ITSN1: variants seen among roughly 807,000 people sequenced by gnomAD.
The protein encoded by ITSN1 is intersectin-1.
In ITSN1, 58 loss-of-function variants were observed where a neutral mutation model predicts 239.8. The observed-to-expected ratio is 0.24, with a 90% CI of 0.20 to 0.30. ITSN1 has a LOEUF of 0.30. Among genes scored for constraint, ITSN1 ranks in the 10% least tolerant of loss-of-function variants. The pLI is 1.00. For missense variants in ITSN1, 1,558 were observed against 2,103.3 expected, an observed-to-expected ratio of 0.74 and a Z score of 5.07; for synonymous variants, 780 against 770.8, an observed-to-expected ratio of 1.01 and a Z score of -0.20.
intron 30 of ITSN1, among the ~76,000 whole-genome samples, chr21:33,857,436 C>G (rs1339259044): frequency 2.0e-5 from 3 of 152,212 alleles, no homozygotes; most frequent in Non-Finnish European, 4.4e-5. Flanking sequence ...TGGGGAGATG[C>G]GGAGCCCGGC....
intron 1 of ITSN1, among the ~76,000 whole-genome samples, chr21:33,707,460 CATG>C (rs375717622): frequency 2.7e-3 from 412 of 152,228 alleles, no homozygotes; most frequent in African/African-American, 9.2e-3. Context: ...TTAGTTTTGA[CATG>C]AGCATATGCC....
intron 29 of ITSN1, among the ~76,000 whole-genome samples, chr21:33,848,056 A>G (rs1217289261): frequency 6.6e-6 from 1 of 152,204 alleles, no homozygotes; most frequent in Non-Finnish European, 1.5e-5. Context: ...CAGCTGCCGC[A>G]CTGATCCCCT....
chr21:33,735,975 G>A (rs1029143693), intron 5 of ITSN1, among the ~76,000 whole-genome samples: 3 of 152,202 alleles, frequency 2.0e-5, no homozygotes, highest in African/African-American at 4.8e-5. Flanking sequence ...CAGCCTGTGC[G>A]ACAGAGCAAG....
rs2148190083 is a variant in ITSN1 at position 33,811,182 on chromosome 21, C to T, written c.2527C>T (p.Pro843Ser). 1.2e-6 allele frequency: 2 copies of T among 1,608,402 alleles called. No homozygotes were observed. The highest frequency in any genetic ancestry group is 8.5e-7 in the Non-Finnish European group (1 of 1,176,728). ...CCCTTTGGCAGTAACCTCTTCAGAGCCCTCCACGACCCCTAATAACTGGGC... is the reference window on the plus strand; with the variant it reads ...CCCTTTGGCAGTAACCTCTTCAGAGTCCTCCACGACCCCTAATAACTGGGC... ...PAPLAVTSSEPSTTPNNWADF... is the reference protein window; with the variant it reads ...PAPLAVTSSESSTTPNNWADF... The change falls in exon 21 of 40, where the codon CCC (proline) becomes TCC (serine). Residue 843 changes from proline (P) to serine (S), a missense_variant. Physicochemically the swap from Pro to Ser is moderately conservative, Grantham distance 74 (BLOSUM62 -1). Coordinates refer to ENST00000381318, the MANE Select transcript of ITSN1 (RefSeq NM_003024.3).
intron 29 of ITSN1, among the ~76,000 whole-genome samples, chr21:33,846,445 A>G (rs1406043980): frequency 6.6e-6 from 1 of 152,170 alleles, no homozygotes; most frequent in Non-Finnish European, 1.5e-5. Context: ...CAGGGCCCAA[A>G]TCTTGTGGTT....
At chr21:33,662,888 T>A (rs184149552) in intron 1 of ITSN1, among the ~76,000 whole-genome samples, 32 of 152,348 alleles carry the variant, frequency 2.1e-4, no homozygotes, top group Admixed American at 1.8e-3. Flanking sequence ...GATGACAAGA[T>A]CCTTGTGTTA....
intron 1 of ITSN1, among the ~76,000 whole-genome samples, chr21:33,682,923 C>T (rs1032958203): frequency 4.6e-5 from 7 of 152,048 alleles, no homozygotes; most frequent in African/African-American, 9.7e-5. Flanking sequence ...TGTTGCCAAT[C>T]GGCAGTTGTA....
chr21:33,829,943 T>G (rs2074195086), intron 27 of ITSN1, among the ~76,000 whole-genome samples, 198 bp downstream of exon 27: 1 of 152,206 alleles, frequency 6.6e-6, no homozygotes, highest in South Asian at 2.1e-4. Context: ...TTCTGAGAGC[T>G]AGGAGCGCAT....
chr21:33,852,576 A>C (rs1264803987), intron 29 of ITSN1, among the ~76,000 whole-genome samples: 1 of 152,176 alleles, frequency 6.6e-6, no homozygotes, highest in Admixed American at 6.5e-5. Flanking sequence ...AGACTCAAAA[A>C]ATCCTTCCAG....
rs1569146451 is a variant in ITSN1 at position 33,772,308 on chromosome 21, A to G, written c.1290A>G (p.Glu430=). The change falls in exon 12 of 40, where the codon GAA becomes GAG. Residue 430 remains glutamate, a synonymous_variant. Coordinates refer to ENST00000381318, the MANE Select transcript of ITSN1 (RefSeq NM_003024.3). ...AGAGAGAGGAGGAGAGGAGGAAAGAAATTGAGAGGCGAGAGGTAAGCAGGC... is the reference window on the plus strand; with the variant it reads ...AGAGAGAGGAGGAGAGGAGGAAAGAGATTGAGAGGCGAGAGGTAAGCAGGC... ...ERQREEERRK[E]IERREAAKRE... The G allele has an allele frequency of 6.4e-7, 1 of 1,554,686 alleles. No homozygotes were observed. The highest frequency in any genetic ancestry group is 2.0e-5 in the Admixed American group (1 of 51,134).
At chr21:33,720,517 A>G (rs754362968) in intron 2 of ITSN1, among the ~76,000 whole-genome samples, 12 of 151,790 alleles carry the variant, frequency 7.9e-5, no homozygotes, top group Admixed American at 2.0e-4. Context: ...AAAACCTAAA[A>G]CCCATTCTCT....
intron 1 of ITSN1, among the ~76,000 whole-genome samples, chr21:33,644,750 C>T (rs2087774290): frequency 6.6e-6 from 1 of 150,964 alleles, no homozygotes; most frequent in Non-Finnish European, 1.5e-5. Flanking sequence ...TTTATCTTTT[C>T]CCCAAGTGCC....
intron 25 of ITSN1, among the ~76,000 whole-genome samples, chr21:33,824,115 C>T (rs535840377): frequency 6.6e-6 from 1 of 152,300 alleles, no homozygotes; most frequent in South Asian, 2.1e-4. Flanking sequence ...GTTTTGCCCA[C>T]ACAGTAGAAA....
At chr21:33,883,870 T>C (rs907741549) in intron 36 of ITSN1, among the ~76,000 whole-genome samples, 199 bp downstream of exon 36, 10 of 149,956 alleles carry the variant, frequency 6.7e-5, no homozygotes, top group African/African-American at 2.2e-4. Context: ...CAAAATAACA[T>C]GGATTCAAAC....
chr21:33,872,358 C>T (rs564211298), intron 33 of ITSN1, among the ~76,000 whole-genome samples: 9 of 152,272 alleles, frequency 5.9e-5, no homozygotes, highest in Middle Eastern at 3.4e-3. Flanking sequence ...TGCTCAATAA[C>T]GTGCTCAATG....
intron 1 of ITSN1, among the ~76,000 whole-genome samples, chr21:33,709,730 T>C (rs1175537005): frequency 6.6e-6 from 1 of 152,168 alleles, no homozygotes; most frequent in Non-Finnish European, 1.5e-5. Flanking sequence ...TATCCTGCAG[T>C]TTTGTTAAAT....
At chr21:33,783,939 C>T (rs2070410078) in intron 16 of ITSN1, among the ~76,000 whole-genome samples, 1 of 152,244 alleles carries the variant, frequency 6.6e-6, no homozygotes, top group South Asian at 2.1e-4. Flanking sequence ...GATTGAATTT[C>T]TGTTGCCATT....
chr21:33,658,153 A>C (rs2146223025), intron 1 of ITSN1, among the ~76,000 whole-genome samples: 1 of 152,350 alleles, frequency 6.6e-6, no homozygotes, highest in Admixed American at 6.5e-5. Context: ...AATAGTATTA[A>C]GAAAATTATA....
Position 33,690,665 on chromosome 21 carries a change from G to A in ITSN1, c.-32-28132G>A, listed in dbSNP as rs1274035533. On this transcript the variant is annotated intron_variant, in intron 1 of 39. Transcript: ENST00000381318. Reference sequence around the variant, plus strand: ...AATCTTAGCTACTGGGGAAGTTGAGGCAGGAGAATGACTTGCACTGGGGAG... The same window carrying A: ...AATCTTAGCTACTGGGGAAGTTGAGACAGGAGAATGACTTGCACTGGGGAG... 3.1e-4 allele frequency among the ~76,000 whole-genome samples: 46 copies of A among 147,108 alleles called. 1 individual carries two copies. The Admixed American group carries it at 3.1e-3, about 10-fold the overall frequency.
Sources: allele counts gnomAD v4.1 joint callset (sites outside exome capture counted in the v4.1 genomes callset), GRCh38; gene constraint gnomAD v4.1.1; transcripts MANE v1.5; gene names NCBI Gene and HGNC (gene_info 2026-07-23, HGNC 2026-07-21).